The following PTPRN2 variants were observed in gnomAD, a reference collection of about 807,000 sequenced individuals.
PTPRN2 encodes the protein receptor-type tyrosine-protein phosphatase N2.
In PTPRN2, 74 loss-of-function variants were observed where a neutral mutation model predicts 118.8. That is an observed-to-expected ratio of 0.62 (90% CI 0.52 to 0.76). The LOEUF (loss-of-function observed/expected upper bound fraction) is 0.76, where lower values mean the gene tolerates loss of function less well. Ranked by LOEUF, PTPRN2 falls within the 30% of genes least tolerant of loss-of-function variation. PTPRN2 has a pLI of 0.00. For synonymous variants in PTPRN2, 641 were observed against 608.0 expected (o/e 1.05, Z -0.80); for missense variants, 1,481 against 1,394.4 (o/e 1.06, Z -0.99).
At chr7:158,382,644 G>C (rs946906925) in intron 2 of PTPRN2, among the ~76,000 whole-genome samples, 1 of 152,156 alleles carries the variant, frequency 6.6e-6, no homozygotes, top group Non-Finnish European at 1.5e-5. Flanking sequence ...GGTGGTGTTA[G>C]ATTTTACAGG....
chr7:158,519,455 G>T (rs181742377), intron 1 of PTPRN2, among the ~76,000 whole-genome samples: 1 of 152,300 alleles, frequency 6.6e-6, no homozygotes, highest in Admixed American at 6.5e-5. Flanking sequence ...TTCCCTGCCC[G>T]ATCTGCAGGT....
At chr7:158,011,849 A>T (rs1219889718) in intron 11 of PTPRN2, among the ~76,000 whole-genome samples, 1 of 152,134 alleles carries the variant, frequency 6.6e-6, no homozygotes, top group African/African-American at 2.4e-5. Context: ...ACTCAGAAAA[A>T]ATCCAGCTGG....
intron 12 of PTPRN2, among the ~76,000 whole-genome samples, chr7:157,752,081 G>A (rs549364698): frequency 6.6e-6 from 1 of 152,090 alleles, no homozygotes; most frequent in Non-Finnish European, 1.5e-5. Context: ...CAGGATCCAC[G>A]AGCTCCTGCA....
intron 3 of PTPRN2, among the ~76,000 whole-genome samples, chr7:158,231,536 A>G (rs898122357): frequency 2.6e-5 from 4 of 152,236 alleles, no homozygotes; most frequent in African/African-American, 9.6e-5. Context: ...GGGCACTTCA[A>G]CACCCCATTC....
At chr7:158,155,523 TCAC>T (rs747798096) in intron 6 of PTPRN2, among the ~76,000 whole-genome samples, 3 of 91,446 alleles carry the variant, frequency 3.3e-5, no homozygotes, top group Middle Eastern at 8.1e-3. Flanking sequence ...ATCATCACCA[TCAC>T]CATCAGCACT....
At chr7:158,425,333 C>G (rs1469543815) in intron 2 of PTPRN2, among the ~76,000 whole-genome samples, 1 of 120,864 alleles carries the variant, frequency 8.3e-6, no homozygotes, top group Non-Finnish European at 1.7e-5. Context: ...ACCAGCCTAG[C>G]TGAGGCCTGC....
At chr7:158,160,953 CT>C (rs1563537732) in intron 6 of PTPRN2, among the ~76,000 whole-genome samples, 3 of 152,036 alleles carry the variant, frequency 2.0e-5, no homozygotes, top group South Asian at 4.2e-4. Context: ...AAATAAATGT[CT>C]TTTAAATAAT....
At chr7:158,355,911 C>T (rs1808353768) in intron 2 of PTPRN2, among the ~76,000 whole-genome samples, 1 of 152,200 alleles carries the variant, frequency 6.6e-6, no homozygotes, top group Admixed American at 6.5e-5. Flanking sequence ...GACCCTGCTG[C>T]CTCTCTGCTT....
At chr7:157,597,486 T>TG (rs35747463) in intron 16 of PTPRN2, among the ~76,000 whole-genome samples, 14,770 of 145,488 alleles carry the variant, frequency 0.1, 885 homozygotes, top group East Asian at 0.27. Flanking sequence ...GTGTGTGTGT[T>TG]TTTTTTTTTG....
intron 5 of PTPRN2, among the ~76,000 whole-genome samples, chr7:158,172,667 CCACCATCATCATCTT>C (rs1412910538): frequency 6.6e-5 from 10 of 151,174 alleles, no homozygotes; most frequent in South Asian, 2.1e-4. Flanking sequence ...CAGCAGCATC[CCACCATCATCATCTT>C]CACCATCATC....
chr7:157,767,023 T>G (rs1309740970), intron 12 of PTPRN2, among the ~76,000 whole-genome samples: 1 of 152,110 alleles, frequency 6.6e-6, no homozygotes, highest in Non-Finnish European at 1.5e-5. Context: ...TGGCACCACC[T>G]AGCACCATAC....
chr7:157,747,003 G>A (rs375647661), intron 12 of PTPRN2, among the ~76,000 whole-genome samples: 4,315 of 121,130 alleles, frequency 0.036, 252 homozygotes, highest in African/African-American at 0.079. Flanking sequence ...TGAGGCCTGT[G>A]TCCCTGAGCT....
intron 5 of PTPRN2, among the ~76,000 whole-genome samples, chr7:158,184,924 A>T (rs544736502): frequency 2.6e-5 from 4 of 152,312 alleles, no homozygotes; most frequent in Non-Finnish European, 5.9e-5. Flanking sequence ...TCACCAGTTG[A>T]TGTAATCTTA....
chr7:158,045,575 T>C (rs1214945551), intron 11 of PTPRN2, among the ~76,000 whole-genome samples: 5 of 152,206 alleles, frequency 3.3e-5, no homozygotes, highest in Admixed American at 2.6e-4. Flanking sequence ...GTCTCTGAAT[T>C]GCAGATTTCA....
intron 11 of PTPRN2, among the ~76,000 whole-genome samples, chr7:158,071,684 GGTGGAGGTGCTT>G (rs1327671859): frequency 5.3e-4 from 71 of 134,106 alleles, no homozygotes; most frequent in Non-Finnish European, 8.2e-4. Context: ...AGGTGCTCCT[GGTGGAGGTGCTT>G]GTGGTGGAGG....
intron 3 of PTPRN2, among the ~76,000 whole-genome samples, chr7:158,292,833 C>T (rs1382023484): frequency 1.3e-5 from 2 of 151,518 alleles, no homozygotes; most frequent in Admixed American, 1.3e-4. Context: ...TTTGGGAGGT[C>T]AAGGTGGGTG....
intron 2 of PTPRN2, among the ~76,000 whole-genome samples, chr7:158,378,545 G>C (rs76757264): frequency 6.6e-6 from 1 of 152,086 alleles, no homozygotes; most frequent in Admixed American, 6.5e-5. Context: ...CCTCTATTGC[G>C]AATGCCCTGA....
chr7:158,331,047 C>T (rs1586298748), intron 2 of PTPRN2, among the ~76,000 whole-genome samples: 2 of 138,802 alleles, frequency 1.4e-5, no homozygotes, highest in African/African-American at 2.7e-5. Context: ...AGAGGTGACA[C>T]CTGCAGACGT....
chr7:157,937,647 G>A (rs144585037), intron 11 of PTPRN2, among the ~76,000 whole-genome samples: 13 of 152,332 alleles, frequency 8.5e-5, no homozygotes, highest in African/African-American at 2.2e-4. Flanking sequence ...GTTCTGCCCC[G>A]GACTCTCACC....
Sources: gnomAD v4.1 joint callset for allele counts (sites outside exome capture counted in the v4.1 genomes callset) on GRCh38, gnomAD v4.1.1 for gene constraint, MANE v1.5 for transcripts, NCBI Gene and HGNC (gene_info 2026-07-23, HGNC 2026-07-21) for gene names.